BANF2: variants seen among roughly 807,000 people sequenced by gnomAD.
BANF2 encodes the protein BANF family member 2.
BANF2 carries 4 observed loss-of-function variants against 8.0 expected under a neutral mutation model. That is an observed-to-expected ratio of 0.50 (90% confidence interval 0.25 to 1.14). BANF2 has a LOEUF of 1.14. Ranked by LOEUF, BANF2 falls within the 50% of genes most tolerant of loss-of-function variation. The pLI, the probability that BANF2 is intolerant of heterozygous loss-of-function variation, is 0.16. For missense variants in BANF2, 96 were observed against 107.5 expected (o/e 0.89, Z 0.47); for synonymous variants, 50 against 40.6 (o/e 1.23, Z -0.88).
At chr20:17,694,592 T>TC (rs2037326931) in intron 1 of BANF2, among the ~76,000 whole-genome samples, 1 of 87,296 alleles carries the variant, frequency 1.1e-5, no homozygotes, top group Non-Finnish European at 2.5e-5. Flanking sequence ...ATTTTTGTTT[T>TC]TTCTCTCTCT....
intron 2 of BANF2, among the ~76,000 whole-genome samples, chr20:17,723,195 C>T (rs1005794570): frequency 5.3e-5 from 8 of 152,190 alleles, no homozygotes; most frequent in African/African-American, 1.9e-4. Flanking sequence ...CTTTGAGGGA[C>T]ACTGACTTCC....
At chr20:17,710,601 G>A (rs1052653424) in intron 1 of BANF2, among the ~76,000 whole-genome samples, 3 of 152,132 alleles carry the variant, frequency 2.0e-5, no homozygotes, top group African/African-American at 4.8e-5. Flanking sequence ...GTGAGCCCAG[G>A]CTGGCACCAG....
At position 17,735,728 on chromosome 20, in the gene BANF2, C is replaced by T. The variant is rs2037968337; in HGVS notation, c.190C>T (p.Leu64Phe). ...GAATGAAGCCGAGTTTCAGAGGTGG[C>T]TCATTTGCTGTTTTGGTGCCACTGA... is the stretch of plus-strand genomic sequence containing the variant. ...HKNEAEFQRWLICCFGATECE... is the reference protein window; with the variant it reads ...HKNEAEFQRWFICCFGATECE... Residue 64 changes from leucine (L) to phenylalanine (F), a missense_variant, in exon 4 of 4, where the codon CTC (leucine) becomes TTC (phenylalanine). Physicochemically the swap from Leu to Phe is conservative, Grantham distance 22. Transcript: ENST00000246090. 1.2e-6 allele frequency: 2 copies of T among 1,613,860 alleles called. No individual in the cohort carries two copies. The highest frequency in any genetic ancestry group is 1.7e-6 in the Non-Finnish European group (2 of 1,179,788).
rs556882197 is a variant in BANF2 at position 17,709,779 on chromosome 20, A to C, written c.-167+9724A>C. Among the ~76,000 whole-genome samples the C allele has an allele frequency of 3.3e-5, 5 of 152,350 alleles. No individual in the cohort carries two copies. The East Asian group carries it at 9.7e-4, about 29-fold the overall frequency. ...CTTATCTGTGAAATGGGATAATCAT[A>C]GAAGCTATCTCATCCCAAGGGCAGG... On this transcript the variant is annotated intron_variant, in intron 1 of 3. Coordinates refer to ENST00000246090, the MANE Select transcript of BANF2 (RefSeq NM_178477.5).
At chr20:17,718,654 A>T (rs1159485748) in intron 1 of BANF2, among the ~76,000 whole-genome samples, 3 of 152,190 alleles carry the variant, frequency 2.0e-5, no homozygotes, top group African/African-American at 7.2e-5. Flanking sequence ...TAGTGGGGAC[A>T]TATTTGTGAT....
rs967119443 is a variant in BANF2, at chr20:17,729,640, G to A, written c.126+4489G>A. Among the ~76,000 whole-genome samples the A allele has an allele frequency of 2.6e-5, 4 of 152,230 alleles. No homozygotes were observed. In the South Asian group the frequency reaches 6.2e-4, roughly 24 times the overall value. On this transcript the variant is annotated intron_variant, in intron 3 of 3. Coordinates refer to ENST00000246090, the MANE Select transcript of BANF2 (RefSeq NM_178477.5). ...AGTCCCAGCTACTTGGGAGGCTGAG[G>A]TGGGAGGATCACTTGAACCCAGGAT...
At chr20:17,712,522 C>G (rs2037588358) in intron 1 of BANF2, 2 of 984,088 alleles carry the variant, frequency 2.0e-6, no homozygotes, top group Admixed American at 1.2e-4. Context: ...AGTCTGCCCA[C>G]TTCTGGATGT....
At chr20:17,720,387 AAT>A (rs1205934498) in intron 1 of BANF2, among the ~76,000 whole-genome samples, 1 of 152,230 alleles carries the variant, frequency 6.6e-6, no homozygotes, top group African/African-American at 2.4e-5. Flanking sequence ...CATACAATAG[AAT>A]ATAGTTCAGC....
chr20:17,705,392 G>T (rs1022302486), intron 1 of BANF2, among the ~76,000 whole-genome samples: 1 of 152,196 alleles, frequency 6.6e-6, no homozygotes, highest in Non-Finnish European at 1.5e-5. Flanking sequence ...AGCTAACCAG[G>T]CCTCCCAATC....
At chr20:17,700,634 C>T (rs1431590502) in intron 1 of BANF2, among the ~76,000 whole-genome samples, 1 of 152,036 alleles carries the variant, frequency 6.6e-6, no homozygotes, top group Non-Finnish European at 1.5e-5. Flanking sequence ...AGGATCGTGA[C>T]GGGAAATAAG....
intron 3 of BANF2, among the ~76,000 whole-genome samples, chr20:17,734,355 A>T (rs1396990260): frequency 6.6e-6 from 1 of 152,208 alleles, no homozygotes; most frequent in Non-Finnish European, 1.5e-5. Context: ...CTCCTCCTAC[A>T]GAACTACAGC....
intron 1 of BANF2, among the ~76,000 whole-genome samples, chr20:17,718,656 A>G (rs763109489): frequency 6.6e-6 from 1 of 152,266 alleles, no homozygotes; most frequent in East Asian, 1.9e-4. Context: ...GTGGGGACAT[A>G]TTTGTGATCA....
intron 1 of BANF2, among the ~76,000 whole-genome samples, chr20:17,705,035 A>G (rs888177850): frequency 1.3e-5 from 2 of 149,256 alleles, no homozygotes; most frequent in Non-Finnish European, 2.9e-5. Flanking sequence ...GGCCAGGAGG[A>G]TGTGTTACCT....
At chr20:17,732,947 G>A (rs549221175) in intron 3 of BANF2, among the ~76,000 whole-genome samples, 2 of 152,326 alleles carry the variant, frequency 1.3e-5, no homozygotes, top group East Asian at 3.9e-4. Flanking sequence ...TGGGGAGCAG[G>A]GTGAAGTGCT....
chr20:17,695,196 C>T (rs2037336356), upstream of BANF2, among the ~76,000 whole-genome samples: 2 of 151,758 alleles, frequency 1.3e-5, no homozygotes, highest in African/African-American at 2.4e-5. Flanking sequence ...GGTGTAATCC[C>T]AGCACTTTGG....
intron 3 of BANF2, among the ~76,000 whole-genome samples, chr20:17,726,434 T>C (rs988790090): frequency 6.6e-6 from 1 of 152,176 alleles, no homozygotes; most frequent in Non-Finnish European, 1.5e-5. Context: ...TGATTCAACA[T>C]ACCTCGGCCT....
At chr20:17,696,321 T>C (rs146026350), upstream of BANF2, among the ~76,000 whole-genome samples, 79 of 152,336 alleles carry the variant, frequency 5.2e-4, no homozygotes, top group Non-Finnish European at 9.8e-4. Context: ...TGTGTTTTCA[T>C]TTGTCTTGGG....
At chr20:17,712,981 C>T (rs1007996109) in intron 1 of BANF2, among the ~76,000 whole-genome samples, 8 of 152,074 alleles carry the variant, frequency 5.3e-5, no homozygotes, top group African/African-American at 1.9e-4. Flanking sequence ...GGCATGGTGG[C>T]TCATGCCTGT....
chr20:17,731,816 C>T (rs1338201950), intron 3 of BANF2, among the ~76,000 whole-genome samples: 2 of 147,164 alleles, frequency 1.4e-5, no homozygotes, highest in Non-Finnish European at 3.0e-5. Flanking sequence ...CCTGTAATCC[C>T]AGCACTTTGG....
Sources: gnomAD v4.1 joint callset for allele counts (sites outside exome capture counted in the v4.1 genomes callset) on GRCh38, gnomAD v4.1.1 for gene constraint, MANE v1.5 for transcripts, NCBI Gene and HGNC (gene_info 2026-07-23, HGNC 2026-07-21) for gene names.